Variants in GBF1 observed in about 807,000 individuals in gnomAD.
The protein encoded by GBF1 is golgi brefeldin A resistant guanine nucleotide exchange factor 1.
In GBF1, 114 loss-of-function variants were observed where a neutral mutation model predicts 210.5. The ratio of observed to expected loss-of-function variants is 0.54; its 90% confidence interval spans 0.47 to 0.63. The LOEUF is 0.63. Among genes scored for constraint, GBF1 ranks in the 30% least tolerant of loss-of-function variants. The pLI is 0.00. For synonymous variants in GBF1, 850 were observed against 889.2 expected, an observed-to-expected ratio of 0.96 and a Z score of 0.78; for missense variants, 1,851 against 2,357.7, an observed-to-expected ratio of 0.79 and a Z score of 4.45.
intron 3 of GBF1, among the ~76,000 whole-genome samples, chr10:102,291,516 A>C (rs1326076295): frequency 6.6e-6 from 1 of 152,174 alleles, no homozygotes; most frequent in Non-Finnish European, 1.5e-5. Context: ...GCTGTGGAGA[A>C]AAGGCATCAG....
At chr10:102,245,376 T>A (rs2070712717), upstream of GBF1, among the ~76,000 whole-genome samples, 1 of 152,208 alleles carries the variant, frequency 6.6e-6, no homozygotes, top group Non-Finnish European at 1.5e-5. Flanking sequence ...TTTCTTTCCC[T>A]TGTAATCGCG....
At chr10:102,249,534 C>T (rs952442973) in intron 1 of GBF1, among the ~76,000 whole-genome samples, 1 of 152,108 alleles carries the variant, frequency 6.6e-6, no homozygotes, top group Non-Finnish European at 1.5e-5. Flanking sequence ...CCAGTTTAAC[C>T]TTCTTTTACT....
At chr10:102,311,057 T>C (rs1361102971) in intron 3 of GBF1, among the ~76,000 whole-genome samples, 1 of 152,224 alleles carries the variant, frequency 6.6e-6, no homozygotes, top group East Asian at 1.9e-4. Context: ...CATACAGTGA[T>C]ATAACACAAG....
At chr10:102,258,888 A>G in intron 1 of GBF1, 41 bp from the exon 2 acceptor site, 1 of 1,062,676 alleles carries the variant, frequency 9.4e-7, no homozygotes, top group Non-Finnish European at 1.5e-6. Flanking sequence ...GCTTTGGGTA[A>G]CCAAATATTA....
chr10:102,381,481 G>A (rs1386673412), intron 39 of GBF1, among the ~76,000 whole-genome samples: 1 of 152,164 alleles, frequency 6.6e-6, no homozygotes, highest in African/African-American at 2.4e-5. Context: ...GCTGGGTCAG[G>A]GACTTGGAAT....
chr10:102,233,304 C>CTTTTTTTTTTTTT, the GBF1 span, among the ~76,000 whole-genome samples: 1 of 107,908 alleles, frequency 9.3e-6, no homozygotes, highest in Non-Finnish European at 1.8e-5. Context: ...TTTTTTCCTT[C>CTTTTTTTTTTTTT]TTTTTTTTTT....
chr10:102,306,341 G>A (rs2077870709), intron 3 of GBF1, among the ~76,000 whole-genome samples: 1 of 152,210 alleles, frequency 6.6e-6, no homozygotes, highest in Non-Finnish European at 1.5e-5. Flanking sequence ...AATTACTGCT[G>A]TTTCACTACC....
chr10:102,284,599 A>G (rs1430369390), intron 3 of GBF1, among the ~76,000 whole-genome samples: 1 of 152,130 alleles, frequency 6.6e-6, no homozygotes, highest in East Asian at 1.9e-4. Flanking sequence ...CAGCACTTCA[A>G]TTCTTTTTAG....
intron 3 of GBF1, among the ~76,000 whole-genome samples, chr10:102,285,251 A>G (rs901813569): frequency 6.6e-6 from 1 of 152,190 alleles, no homozygotes; most frequent in Non-Finnish European, 1.5e-5. Context: ...TTCTGGTTTC[A>G]TTTGCCATCA....
intron 2 of GBF1, 127 bp downstream of exon 2, chr10:102,259,161 T>C (rs780722469): frequency 1.3e-5 from 8 of 627,304 alleles, no homozygotes; most frequent in Non-Finnish European, 1.7e-5. Flanking sequence ...GTTCTTGATA[T>C]CTTGTTTTTT....
rs1554955602 is a variant in GBF1, at chr10:102,296,325, AT to A, written c.163+36217del. Among the ~76,000 whole-genome samples, 5 of 152,008 alleles carry A rather than the reference AT, an allele frequency of 3.3e-5. No individual in the cohort carries two copies. The South Asian group carries it at 8.3e-4, about 25-fold the overall frequency. The stretch of plus-strand genomic sequence containing the variant: ...TGTCTCCTGTTTCCTAACCTTGACT[AT>A]TTTTTTTAGAATATAGGTTTGAGAT... On this transcript the variant is annotated intron_variant, in intron 3 of 39. Transcript: ENST00000369983.
intron 4 of GBF1, among the ~76,000 whole-genome samples, chr10:102,349,959 C>G (rs1464361561): frequency 6.6e-6 from 1 of 152,130 alleles, no homozygotes; most frequent in Admixed American, 6.6e-5. Flanking sequence ...AGCCTCCAGT[C>G]CTGTTTAGTT....
intron 3 of GBF1, among the ~76,000 whole-genome samples, chr10:102,286,194 G>GTTTTTTTTGTTTTTTTTTTTTT (rs1565060425): frequency 7.9e-6 from 1 of 126,374 alleles, no homozygotes. Context: ...AAGCATAAGG[G>GTTTTTTTTGTTTTTTTTTTTTT]TTTTTTTTTT....
Position 102,376,950 on chromosome 10 carries a change from A to G in GBF1, c.4304A>G (p.Glu1435Gly). The change falls in exon 33 of 40, where the codon GAG (glutamate) becomes GGG (glycine). Residue 1435 changes from glutamate (E) to glycine (G), a missense_variant. Transcript: ENST00000369983. ...CTCTGCTCAGGATGCAAGTCCCAGG[A>G]GAAACGTGGCAAGAGTCACAAATAT... ...ASLNGGCKSQ[E>G]KRGKSHKYDS... 3 of 1,614,120 alleles carry G rather than the reference A, an allele frequency of 1.9e-6. No individual in the cohort carries two copies. The highest frequency in any genetic ancestry group is 2.5e-6 in the Non-Finnish European group (3 of 1,179,974).
Position 102,370,765 on chromosome 10 carries a change from C to G in GBF1, c.3565C>G (p.Gln1189Glu). 2 of 1,613,972 alleles carry G rather than the reference C, an allele frequency of 1.2e-6. No individual in the cohort carries two copies. The highest frequency in any genetic ancestry group is 8.5e-7 in the Non-Finnish European group (1 of 1,179,856). Residue 1189 changes from glutamine to glutamate, a missense_variant, in exon 29 of 40, where the codon CAG becomes GAG. This residue lies in a region of GBF1 where 967 missense variants were observed against 1,247.7 expected (regional missense o/e 0.78). Transcript: ENST00000369983. Reference sequence around the variant, plus strand: ...AGACCATCTATACCACCTCTGTGTTCAGGCACAAGATTTCTGCTTCCTTGT... The same window carrying G: ...AGACCATCTATACCACCTCTGTGTTGAGGCACAAGATTTCTGCTTCCTTGT... Reference protein sequence around the residue: ...VRDHLYHLCVQAQDFCFLVER... With the variant: ...VRDHLYHLCVEAQDFCFLVER...
rs372320027 is a variant in GBF1, at chr10:102,365,566, G to A, written c.2276G>A (p.Arg759His). ...ATGATTGGAGAGTTTGTGAGTGACC[G>A]CAAAAACATTGACCTGTTGGAGAGC... ...KKMIGEFVSDRKNIDLLESFV... is the reference protein window; with the variant it reads ...KKMIGEFVSDHKNIDLLESFV... The change falls in exon 18 of 40, where the codon CGC becomes CAC. Residue 759 changes from arginine to histidine, a missense_variant. By Grantham distance (29) the Arg-to-His change is conservative (BLOSUM62 0). Transcript: ENST00000369983. 5 of 1,614,086 alleles carry A rather than the reference G, an allele frequency of 3.1e-6. No homozygotes were observed. Among genetic ancestry groups the A allele is most frequent in the East Asian group, 2.2e-5 (1 of 44,884 alleles).
At chr10:102,243,890 G>A (rs1295695731), upstream of GBF1, among the ~76,000 whole-genome samples, 1 of 152,178 alleles carries the variant, frequency 6.6e-6, no homozygotes, top group Non-Finnish European at 1.5e-5. Context: ...AACACTTTGG[G>A]AGGCTGAGGC....
intron 1 of GBF1, among the ~76,000 whole-genome samples, chr10:102,248,630 CTTTAAT>C (rs1185276906): frequency 6.7e-6 from 1 of 149,774 alleles, no homozygotes; most frequent in Non-Finnish European, 1.5e-5. Context: ...TTTTTTTTGT[CTTTAAT>C]TTTAATTTCT....
At chr10:102,336,736 T>G (rs1333514133) in intron 3 of GBF1, among the ~76,000 whole-genome samples, 3 of 152,196 alleles carry the variant, frequency 2.0e-5, no homozygotes. Flanking sequence ...TAACTGGCCT[T>G]GTACAAATTA....
Sources: gnomAD v4.1 joint callset for allele counts (sites outside exome capture counted in the v4.1 genomes callset) on GRCh38, gnomAD v4.1.1 for gene constraint, gnomAD v4.1.1 regional missense constraint, MANE v1.5 for transcripts, NCBI Gene and HGNC (gene_info 2026-07-23, HGNC 2026-07-21) for gene names.